MMP24: variants seen among roughly 807,000 people sequenced by gnomAD.
The protein encoded by MMP24 is matrix metallopeptidase 24, also known as matrix metalloproteinase-24.
MMP24 carries 25 observed loss-of-function variants against 62.8 expected under a neutral mutation model. The ratio of observed to expected loss-of-function variants is 0.40; its 90% CI spans 0.29 to 0.56. MMP24 has a LOEUF of 0.56. Among genes scored for constraint, MMP24 ranks in the 20% least tolerant of loss-of-function variants. The pLI is 0.50. For synonymous variants in MMP24, 319 were observed against 350.5 expected (o/e 0.91, Z 1.00); for missense variants, 634 against 853.6 (o/e 0.74, Z 3.21).
chr20:35,236,973 CAAA>C lies in MMP24; in HGVS notation c.247-9847_247-9845del, dbSNP rs10710875. ...TGTGCGACAGAGCGAGACACCATCT[CAAA>C]AAAAAAAAAAAAAAAAAAATCACTA... On this transcript the variant is annotated intron_variant, in intron 1 of 8. Transcript: ENST00000246186. Among the ~76,000 whole-genome samples, 50 of 76,472 alleles carry C rather than the reference CAAA, an allele frequency of 6.5e-4. 1 individual carries two copies. The highest frequency in any genetic ancestry group is 2.0e-3 in the African/African-American group (46 of 23,278). The allele number at this position is 76,472 out of a possible 152,430, so 50.2% of individuals were successfully genotyped here.
At chr20:35,242,581 C>G (rs1264367554) in intron 1 of MMP24, among the ~76,000 whole-genome samples, 1 of 152,106 alleles carries the variant, frequency 6.6e-6, no homozygotes, top group Non-Finnish European at 1.5e-5. Context: ...ACAGAATATC[C>G]TATAGGGAAA....
Position 35,244,414 on chromosome 20 carries a change from C to T in MMP24, c.247-2426C>T, listed in dbSNP as rs1421278767. On this transcript the variant is annotated intron_variant, in intron 1 of 8. Transcript: ENST00000246186. ...TACTCTTGTGTCCCTGGGTCTCCAT[C>T]CCCTCATGCTTTTGGGTGGGAATAA... Among the ~76,000 whole-genome samples the T allele has an allele frequency of 3.3e-5, 5 of 151,984 alleles. No individual in the cohort carries two copies. In the East Asian group the frequency reaches 9.6e-4, roughly 29 times the overall value.
chr20:35,273,636 G>A (rs939898392), intron 8 of MMP24, among the ~76,000 whole-genome samples: 1 of 152,168 alleles, frequency 6.6e-6, no homozygotes, highest in Non-Finnish European at 1.5e-5. Context: ...TAGCCACGGT[G>A]GGAAGCCAGC....
chr20:35,253,269 A>C (rs2060557001), intron 3 of MMP24, among the ~76,000 whole-genome samples: 1 of 62,530 alleles, frequency 1.6e-5, no homozygotes, highest in African/African-American at 1.3e-4. Flanking sequence ...ACAGAACGGG[A>C]CTTTTTTTTT....
At chr20:35,242,906 G>A (rs923594255) in intron 1 of MMP24, among the ~76,000 whole-genome samples, 12 of 152,170 alleles carry the variant, frequency 7.9e-5, no homozygotes, top group Admixed American at 3.3e-4. Flanking sequence ...GGCCAGGCAC[G>A]GTGGCTCATG....
chr20:35,264,937 A>C (rs1376894135), intron 5 of MMP24, among the ~76,000 whole-genome samples: 1 of 152,126 alleles, frequency 6.6e-6, no homozygotes, highest in African/African-American at 2.4e-5. Context: ...CAGGCTACGG[A>C]GCACAGAAGG....
chr20:35,269,564 G>A lies in MMP24; in HGVS notation c.1195-196G>A, dbSNP rs2060655691. ...TGTCTCATTGTCCACCCAGCAGCAA[G>A]AGTCAGCAGGAGGCTGAATTGAAGA... On this transcript the variant is annotated intron_variant, in intron 6 of 8. Transcript: ENST00000246186. This position sits in a 1 kb window ranked among gnomAD's most constrained non-coding sequence, Gnocchi z 4.6. Among the ~76,000 whole-genome samples the A allele has an allele frequency of 6.6e-6, 1 of 152,124 alleles. No homozygotes were observed. Among genetic ancestry groups the A allele is most frequent in the Non-Finnish European group, 1.5e-5 (1 of 68,032 alleles).
intron 1 of MMP24, among the ~76,000 whole-genome samples, chr20:35,233,669 T>A (rs1445831089): frequency 2.0e-5 from 3 of 152,236 alleles, no homozygotes; most frequent in Non-Finnish European, 4.4e-5. Context: ...CTATCACTTC[T>A]TCCTTTTAGT....
intron 5 of MMP24, among the ~76,000 whole-genome samples, chr20:35,266,146 T>C (rs2060633013): frequency 7.9e-6 from 1 of 127,368 alleles, no homozygotes; most frequent in Admixed American, 9.8e-5. Flanking sequence ...AAGACCAGCC[T>C]GGTCAACATG....
chr20:35,248,303 C>CG (rs1310445314), intron 2 of MMP24, among the ~76,000 whole-genome samples: 1 of 146,730 alleles, frequency 6.8e-6, no homozygotes, highest in African/African-American at 2.7e-5. Flanking sequence ...AGATTCCCCC[C>CG]CCCTTTTTTT....
At position 35,269,869 on chromosome 20, in the gene MMP24, G is replaced by A. The variant is rs747408117; in HGVS notation, c.1304G>A (p.Arg435Lys). The A allele has an allele frequency of 3.2e-6, 5 of 1,552,314 alleles. No homozygotes were observed. The change falls in exon 7 of 9, where the codon AGG becomes AAG. Residue 435 changes from arginine (R) to lysine (K), a missense_variant. Transcript: ENST00000246186. The surrounding 1 kb of genome is among the most constrained non-coding windows in gnomAD (Gnocchi z 4.6). The part of the protein sequence containing the change: ...LPARIDAAYE[R>K]ADGRFVFFKG... ...GCCCGCATCGACGCAGCCTATGAAA[G>A]GGCCGATGGGAGATTTGTCTTCTTC...
chr20:35,267,293 G>A lies in MMP24; in HGVS notation c.1068G>A (p.Glu356=), dbSNP rs777600406. 4 of 1,603,442 alleles carry A rather than the reference G, an allele frequency of 2.5e-6. No individual in the cohort carries two copies. The highest frequency in any genetic ancestry group is 1.3e-5 in the African/African-American group (1 of 74,762). ...ACTCACCATCGGAGAGGAAACACGA[G>A]CGCCAGCCCAGGCCCCCTCGGCCGC... ...RIHSPSERKH[E]RQPRPPRPPL... is the part of the protein sequence containing the mutation. Residue 356 remains glutamate, a synonymous_variant, in exon 6 of 9, where the codon GAG becomes GAA. Coordinates refer to ENST00000246186, the MANE Select transcript of MMP24 (RefSeq NM_006690.4).
intron 1 of MMP24, among the ~76,000 whole-genome samples, chr20:35,230,792 G>A (rs1343938519): frequency 6.6e-6 from 1 of 151,844 alleles, no homozygotes; most frequent in Non-Finnish European, 1.5e-5. Context: ...TAGATGATTC[G>A]GAACTACTGT....
At chr20:35,266,174 C>CT (rs1568619891) in intron 5 of MMP24, among the ~76,000 whole-genome samples, 6 of 27,974 alleles carry the variant, frequency 2.1e-4, no homozygotes, top group African/African-American at 8.6e-4. Context: ...CCCATCTCTG[C>CT]TAAAAAAAAA....
intron 2 of MMP24, 59 bp downstream of exon 2, chr20:35,247,047 AT>A: frequency 1.3e-6 from 2 of 1,595,622 alleles, no homozygotes; most frequent in Non-Finnish European, 1.7e-6. Context: ...TTGGGTTCAC[AT>A]TTGTCATGGC....
intron 1 of MMP24, among the ~76,000 whole-genome samples, chr20:35,242,091 G>A (rs1276732662): frequency 6.6e-6 from 1 of 152,156 alleles, no homozygotes; most frequent in Admixed American, 6.5e-5. Context: ...CAGCACTTAC[G>A]GAGGCCAAGG....
At chr20:35,266,627 T>C (rs957098661) in intron 5 of MMP24, among the ~76,000 whole-genome samples, 1 of 152,166 alleles carries the variant, frequency 6.6e-6, no homozygotes, top group Non-Finnish European at 1.5e-5. Context: ...AAAGTGTTTC[T>C]ATGAATCTTG....
rs1568615828 is a variant in MMP24, at chr20:35,254,837, C to T, written c.817+83C>T. The T allele has an allele frequency of 2.8e-6, 4 of 1,444,834 alleles. No homozygotes were observed. The Middle Eastern group carries it at 7.2e-4, about 261-fold the overall frequency. 89.5% of individuals were successfully genotyped at this position (1,444,834 alleles called of 1,614,324 possible). A position where few individuals can be genotyped will look rare whatever the true frequency, so the allele number is the denominator to read the frequency against. On this transcript the variant is annotated intron_variant, in intron 4 of 8. Transcript: ENST00000246186. ...TTGGAGGACATCCTAGATGAGTTTC[C>T]TGCTTTCTAGAGCCTCTTGTCCAAG... is the stretch of plus-strand genomic sequence containing the variant.
At chr20:35,253,413 A>G (rs1298854623) in intron 3 of MMP24, among the ~76,000 whole-genome samples, 7 of 151,776 alleles carry the variant, frequency 4.6e-5, no homozygotes, top group Non-Finnish European at 1.0e-4. Context: ...GAAACTTAAG[A>G]ATCTAGGTTA....
Sources: gnomAD v4.1 joint callset for allele counts (sites outside exome capture counted in the v4.1 genomes callset) on GRCh38, gnomAD v4.1.1 for gene constraint, Gnocchi (gnomAD v3.1) non-coding constraint, MANE v1.5 for transcripts, NCBI Gene and HGNC (gene_info 2026-07-23, HGNC 2026-07-21) for gene names.